MAST4: variants seen among roughly 807,000 people sequenced by gnomAD.
MAST4 encodes microtubule associated serine/threonine kinase family member 4.
MAST4 carries 89 observed loss-of-function variants against 162.7 expected under a neutral mutation model. That is an observed-to-expected ratio of 0.55 (90% CI 0.46 to 0.65). The LOEUF (loss-of-function observed/expected upper bound fraction) is 0.65, where lower values mean the gene tolerates loss of function less well. Ranked by LOEUF, MAST4 falls within the 30% of genes least tolerant of loss-of-function variation. The pLI, the probability that MAST4 is intolerant of heterozygous loss-of-function variation, is 0.00. For missense variants in MAST4, 3,153 were observed against 3,374.0 expected (o/e 0.93, Z 1.62); for synonymous variants, 1,479 against 1,361.1 (o/e 1.09, Z -1.91).
chr5:66,764,531 G>A (rs74876598), intron 2 of MAST4, among the ~76,000 whole-genome samples: 13,912 of 151,968 alleles, frequency 0.092, 1,930 homozygotes, highest in African/African-American at 0.3. Context: ...AGATTATAAT[G>A]GAACTGAAAA....
At chr5:67,069,313 A>ATATATATATATATATATAG (rs1230619144) in intron 5 of MAST4, among the ~76,000 whole-genome samples, 1 of 65,334 alleles carries the variant, frequency 1.5e-5, no homozygotes. Flanking sequence ...TATATATATA[A>ATATATATATATATATATAG]AATTTTAAAA....
In MAST4 at chr5:66,847,267, A is replaced by C. The variant is rs551021723; in HGVS notation, c.643-52684A>C. 3.3e-5 allele frequency among the ~76,000 whole-genome samples: 5 copies of C among 152,294 alleles called. No homozygotes were observed. The East Asian group carries it at 9.7e-4, about 29-fold the overall frequency. On this transcript the variant is annotated intron_variant, in intron 3 of 28. Transcript: ENST00000403625. ...GACGTACACTAAGTCTAGCAGAGTGAATTTCTGTCCCATTACTGGGACTGC... is the reference window on the plus strand; with the variant it reads ...GACGTACACTAAGTCTAGCAGAGTGCATTTCTGTCCCATTACTGGGACTGC...
intron 3 of MAST4, among the ~76,000 whole-genome samples, chr5:66,846,369 A>G (rs1023209988): frequency 6.6e-6 from 1 of 152,126 alleles, no homozygotes; most frequent in African/African-American, 2.4e-5. Flanking sequence ...ACATATCCAT[A>G]CTTCTCCAAT....
intron 1 of MAST4, among the ~76,000 whole-genome samples, chr5:66,700,713 AAAC>A (rs1185861030): frequency 5.9e-5 from 9 of 151,888 alleles, no homozygotes; most frequent in African/African-American, 1.9e-4. Context: ...AAAACAAAAA[AAAC>A]AACAACTGAC....
At chr5:66,808,677 C>T (rs1210835147) in intron 3 of MAST4, among the ~76,000 whole-genome samples, 5 of 152,198 alleles carry the variant, frequency 3.3e-5, no homozygotes, top group African/African-American at 4.8e-5. Flanking sequence ...ACATCACTTG[C>T]GTTCACAGCA....
chr5:66,718,185 C>CTTT (rs375291098), intron 1 of MAST4, among the ~76,000 whole-genome samples: 3 of 122,048 alleles, frequency 2.5e-5, no homozygotes, highest in African/African-American at 8.9e-5. Flanking sequence ...TTTTTTTTTT[C>CTTT]TTTTTTTTTT....
intron 1 of MAST4, among the ~76,000 whole-genome samples, chr5:66,754,544 AT>A (rs1157536989): frequency 1.3e-5 from 2 of 151,860 alleles, no homozygotes; most frequent in African/African-American, 2.4e-5. Context: ...TGTGTTTTCT[AT>A]TTTTTTCCTG....
At chr5:66,923,778 A>G (rs940226079) in intron 4 of MAST4, among the ~76,000 whole-genome samples, 3 of 152,132 alleles carry the variant, frequency 2.0e-5, no homozygotes, top group African/African-American at 7.2e-5. Flanking sequence ...CTCACAACAC[A>G]GTCATATATT....
At chr5:66,916,998 G>A (rs538499948) in intron 4 of MAST4, 1 of 718,074 alleles carries the variant, frequency 1.4e-6, no homozygotes, top group South Asian at 1.5e-5. Context: ...ATTCCCAGAA[G>A]TGGAATTGCT....
chr5:66,705,739 G>T (rs754377154), intron 1 of MAST4, among the ~76,000 whole-genome samples: 2 of 152,088 alleles, frequency 1.3e-5, no homozygotes, highest in Non-Finnish European at 2.9e-5. Context: ...TATTCATTTT[G>T]CTGTAATAAA....
At chr5:66,894,729 T>C (rs1392951925) in intron 3 of MAST4, among the ~76,000 whole-genome samples, 1 of 152,162 alleles carries the variant, frequency 6.6e-6, no homozygotes, top group African/African-American at 2.4e-5. Flanking sequence ...ACATTGCCAC[T>C]CTGTTTCTAT....
intron 4 of MAST4, among the ~76,000 whole-genome samples, chr5:67,013,193 A>G (rs1382945894): frequency 1.3e-5 from 2 of 152,206 alleles, no homozygotes; most frequent in Non-Finnish European, 2.9e-5. Flanking sequence ...TGGTAGGCCA[A>G]CCACCATTTT....
intron 10 of MAST4, among the ~76,000 whole-genome samples, chr5:67,105,461 G>A (rs1285307275): frequency 3.3e-5 from 5 of 152,142 alleles, no homozygotes; most frequent in African/African-American, 7.2e-5. Context: ...GCTGGCAGCC[G>A]CTGCTTTTCT....
rs375986713 is a variant in MAST4 at position 66,837,194 on chromosome 5, CA to C, written c.642+48401del. Among the ~76,000 whole-genome samples, 356 of 152,186 alleles carry C rather than the reference CA, an allele frequency of 2.3e-3. 3 individuals are homozygous for C. The highest frequency in any genetic ancestry group is 8.2e-3 in the African/African-American group (340 of 41,496). ...ATAAAACACTAGCACTTAATTTTAG[CA>C]GAGTTGCTGAGTATGAATTCAAATG... On this transcript the variant is annotated intron_variant, in intron 3 of 28. Coordinates refer to ENST00000403625, the MANE Select transcript of MAST4 (RefSeq NM_001164664.2).
chr5:66,663,647 A>C (rs1242146148), intron 1 of MAST4, among the ~76,000 whole-genome samples: 1 of 152,160 alleles, frequency 6.6e-6, no homozygotes, highest in African/African-American at 2.4e-5. Context: ...TGTTCAAGGA[A>C]CAGCAGTGGA....
rs535116167 is a variant in MAST4 at position 66,875,742 on chromosome 5, C to A, written c.643-24209C>A. Among the ~76,000 whole-genome samples the A allele has an allele frequency of 9.9e-5, 15 of 152,232 alleles. No homozygotes were observed. In the South Asian group the frequency reaches 1.2e-3, roughly 13 times the overall value. Reference sequence around the variant, plus strand: ...ATGTCTGCATTATTAAAAGTCTATACAGTTCTATGTATTTTTTTTATTAAA... The same window carrying A: ...ATGTCTGCATTATTAAAAGTCTATAAAGTTCTATGTATTTTTTTTATTAAA... On this transcript the variant is annotated intron_variant, in intron 3 of 28. Coordinates refer to ENST00000403625, the MANE Select transcript of MAST4 (RefSeq NM_001164664.2).
chr5:66,971,784 A>C (rs931676574), intron 4 of MAST4, among the ~76,000 whole-genome samples: 2 of 152,078 alleles, frequency 1.3e-5, no homozygotes, highest in Non-Finnish European at 2.9e-5. Context: ...GTTATATCCT[A>C]TGTTCCATTT....
intron 4 of MAST4, among the ~76,000 whole-genome samples, chr5:66,960,370 CACTT>C (rs1225602199): frequency 2.6e-5 from 4 of 152,182 alleles, no homozygotes; most frequent in Non-Finnish European, 2.9e-5. Flanking sequence ...ATGAGGGACT[CACTT>C]ACAAAAAGTT....
chr5:66,698,111 A>G (rs973275978), intron 1 of MAST4, among the ~76,000 whole-genome samples: 1 of 150,696 alleles, frequency 6.6e-6, no homozygotes, highest in Non-Finnish European at 1.5e-5. Flanking sequence ...CTCCTAACCC[A>G]CTTTAGAGTA....
Sources: gnomAD v4.1 joint callset for allele counts (sites outside exome capture counted in the v4.1 genomes callset) on GRCh38, gnomAD v4.1.1 for gene constraint, MANE v1.5 for transcripts, NCBI Gene and HGNC (gene_info 2026-07-23, HGNC 2026-07-21) for gene names.